Variants in HHLA2 observed in about 807,000 individuals in gnomAD.
The protein encoded by HHLA2 is HHLA2 member of B7 family.
HHLA2 carries 48 observed loss-of-function variants against 45.9 expected under a neutral mutation model. That is an observed-to-expected ratio of 1.05 (90% CI 0.83 to 1.33). The LOEUF is 1.33. HHLA2 is among the 40% of genes most tolerant of loss of function. The pLI, the probability that HHLA2 is intolerant of heterozygous loss-of-function variation, is 0.00. For missense variants in HHLA2, 462 were observed against 494.3 expected (o/e 0.93, Z 0.62); for synonymous variants, 161 against 173.9 (o/e 0.93, Z 0.59).
chr3:108,320,182 A>G (rs564282704), intron 2 of HHLA2, among the ~76,000 whole-genome samples: 1 of 152,338 alleles, frequency 6.6e-6, no homozygotes, highest in African/African-American at 2.4e-5. Flanking sequence ...CTTAAAAAGC[A>G]TGGCCAATTT....
At chr3:108,372,538 A>C (rs916102404) in intron 8 of HHLA2, among the ~76,000 whole-genome samples, 2 of 151,166 alleles carry the variant, frequency 1.3e-5, no homozygotes, top group Non-Finnish European at 3.0e-5. Flanking sequence ...TGAATCCAGG[A>C]GCTGGTTTTT....
At chr3:108,350,877 G>T (rs904587376) in intron 3 of HHLA2, among the ~76,000 whole-genome samples, 1 of 152,206 alleles carries the variant, frequency 6.6e-6, no homozygotes, top group Non-Finnish European at 1.5e-5. Flanking sequence ...TAGAGACAAG[G>T]TTTCACCATG....
intron 1 of HHLA2, among the ~76,000 whole-genome samples, chr3:108,303,968 T>G (rs1411945571): frequency 2.0e-5 from 3 of 152,178 alleles, no homozygotes; most frequent in Non-Finnish European, 4.4e-5. Context: ...ATAAACTTTT[T>G]GTTAGATAAT....
intron 6 of HHLA2, among the ~76,000 whole-genome samples, chr3:108,356,892 T>C (rs1266749571): frequency 6.6e-6 from 1 of 152,212 alleles, no homozygotes; most frequent in East Asian, 1.9e-4. Context: ...TTAAGAAAGT[T>C]GCATAAGGGT....
At chr3:108,353,599 C>T in exon 5 of HHLA2, 19 of 1,613,734 alleles carry the variant, frequency 1.2e-5, no homozygotes, top group Non-Finnish European at 1.6e-5. Flanking sequence ...AAGGCAGTGA[C>T]CATTTGGAAA....
intron 1 of HHLA2, among the ~76,000 whole-genome samples, chr3:108,301,392 T>C (rs2080846466): frequency 6.6e-6 from 1 of 152,216 alleles, no homozygotes; most frequent in Non-Finnish European, 1.5e-5. Flanking sequence ...GTATAGGTTC[T>C]ATTTTCCCAC....
At chr3:108,324,248 T>C (rs2081251088) in intron 2 of HHLA2, among the ~76,000 whole-genome samples, 2 of 152,208 alleles carry the variant, frequency 1.3e-5, no homozygotes, top group Admixed American at 1.3e-4. Context: ...TATTATTACA[T>C]ACGTTTTGAG....
At chr3:108,357,885 T>A in exon 7 of HHLA2, 3 of 1,613,706 alleles carry the variant, frequency 1.9e-6, no homozygotes, top group Non-Finnish European at 2.5e-6. Flanking sequence ...TTCACTCTCA[T>A]GTCAACCTGT....
At chr3:108,334,412 G>A (rs998352394) in intron 3 of HHLA2, among the ~76,000 whole-genome samples, 5 of 152,178 alleles carry the variant, frequency 3.3e-5, no homozygotes, top group Non-Finnish European at 5.9e-5. Context: ...CATGTATATC[G>A]TTCAGTCCTT....
chr3:108,305,681 G>A (rs1229192226), intron 1 of HHLA2, among the ~76,000 whole-genome samples: 1 of 152,116 alleles, frequency 6.6e-6, no homozygotes, highest in East Asian at 1.9e-4. Flanking sequence ...GGTGGCCAAG[G>A]AGGAAGGCTT....
intron 2 of HHLA2, among the ~76,000 whole-genome samples, chr3:108,326,429 A>G (rs996770519): frequency 1.3e-5 from 2 of 152,182 alleles, no homozygotes; most frequent in Admixed American, 6.5e-5. Context: ...TTACAAAACC[A>G]TCAGATCTCC....
chr3:108,373,580 C>T (rs1420648422), intron 8 of HHLA2, among the ~76,000 whole-genome samples: 1 of 152,194 alleles, frequency 6.6e-6, no homozygotes, highest in Non-Finnish European at 1.5e-5. Context: ...TAGAAAACCT[C>T]ATCGTCTCAG....
Position 108,328,498 on chromosome 3 carries a change from C to T in HHLA2, c.-27+151C>T, listed in dbSNP as rs182686504. On this transcript the variant is annotated intron_variant, in intron 3 of 10. Coordinates refer to ENST00000619531, the Ensembl canonical transcript of HHLA2. ...TGATTTGGAGGTGAATATTATTATCCCTGTTACTAGATGTGAAACTGAGGC... is the reference window on the plus strand; with the variant it reads ...TGATTTGGAGGTGAATATTATTATCTCTGTTACTAGATGTGAAACTGAGGC... Among the ~76,000 whole-genome samples the T allele has an allele frequency of 4.2e-3, 642 of 151,958 alleles. 4 individuals are homozygous for T. The highest frequency in any genetic ancestry group is 6.7e-3 in the Non-Finnish European group (456 of 67,950).
At chr3:108,315,068 G>A (rs1164769115) in intron 2 of HHLA2, among the ~76,000 whole-genome samples, 4 of 152,186 alleles carry the variant, frequency 2.6e-5, no homozygotes, top group African/African-American at 9.6e-5. Flanking sequence ...TCCCAGATGG[G>A]TGGGAAATGG....
intron 2 of HHLA2, among the ~76,000 whole-genome samples, chr3:108,311,996 C>T (rs981080130): frequency 6.6e-6 from 1 of 152,196 alleles, no homozygotes; most frequent in South Asian, 2.1e-4. Context: ...TTCCCTCTGG[C>T]TTCTGTGTAT....
At chr3:108,329,004 T>A (rs1453372164) in intron 3 of HHLA2, among the ~76,000 whole-genome samples, 1 of 152,152 alleles carries the variant, frequency 6.6e-6, no homozygotes, top group Non-Finnish European at 1.5e-5. Flanking sequence ...TGTGTTTCTC[T>A]CCACAATGAC....
At chr3:108,350,117 C>T (rs1218295138) in intron 3 of HHLA2, among the ~76,000 whole-genome samples, 1 of 151,904 alleles carries the variant, frequency 6.6e-6, no homozygotes, top group African/African-American at 2.4e-5. Context: ...CTTACTCTTC[C>T]AAAATAATCA....
At chr3:108,300,611 C>T (rs1026503717) in intron 1 of HHLA2, among the ~76,000 whole-genome samples, 8 of 152,084 alleles carry the variant, frequency 5.3e-5, no homozygotes, top group Admixed American at 3.9e-4. Flanking sequence ...TGAGGTCAGG[C>T]CTGAAACATC....
intron 9 of HHLA2, 62 bp downstream of exon 8, chr3:108,375,862 T>A (rs2082267061): frequency 1.3e-6 from 2 of 1,583,278 alleles, no homozygotes; most frequent in African/African-American, 1.3e-5. Context: ...TCAAAAGATA[T>A]CGGCAAAAAC....
Sources: allele counts gnomAD v4.1 joint callset (sites outside exome capture counted in the v4.1 genomes callset), GRCh38; gene constraint gnomAD v4.1.1; transcripts MANE v1.5; gene names NCBI Gene and HGNC (gene_info 2026-07-23, HGNC 2026-07-21).